The following TAMM41 variants were observed in gnomAD, a reference collection of about 807,000 sequenced individuals.
TAMM41 encodes the protein TAM41 mitochondrial translocator assembly and maintenance homolog, also known as phosphatidate cytidylyltransferase, mitochondrial.
Under a neutral mutation model 44.1 loss-of-function variants are expected in TAMM41, and 36 were observed. The ratio of observed to expected loss-of-function variants is 0.82; its 90% CI spans 0.63 to 1.08. The LOEUF is 1.08. Among genes scored for constraint, TAMM41 ranks in the 50% least tolerant of loss-of-function variants. The probability of loss-of-function intolerance (pLI) is 0.00; values close to 1 mark genes in which losing one functional copy is unlikely to be tolerated. For synonymous variants in TAMM41, 164 were observed against 153.1 expected (o/e 1.07, Z -0.53); for missense variants, 417 against 404.3 (o/e 1.03, Z -0.27).
chr3:11,767,990 C>G, the TAMM41 span, among the ~76,000 whole-genome samples: 1 of 151,104 alleles, frequency 6.6e-6, no homozygotes, highest in East Asian at 2.0e-4. Context: ...CACAGTAAGA[C>G]ACCACTTCAC....
At chr3:11,768,981 AGGCACGG>A in the TAMM41 span, among the ~76,000 whole-genome samples, 1 of 152,242 alleles carries the variant, frequency 6.6e-6, no homozygotes, top group Non-Finnish European at 1.5e-5. Context: ...TCTAGCCATC[AGGCACGG>A]CCTGGTCAAG....
At chr3:11,824,834 A>G (rs935542976) in intron 4 of TAMM41, among the ~76,000 whole-genome samples, 1 of 152,190 alleles carries the variant, frequency 6.6e-6, no homozygotes, top group Non-Finnish European at 1.5e-5. Flanking sequence ...AACCAACAAT[A>G]AGATACAGTG....
At position 11,846,831 on chromosome 3, in the gene TAMM41, A is replaced by G. The variant is rs570089285; in HGVS notation, c.-195T>C. On this transcript the variant is annotated 5_prime_UTR_variant, in exon 1 of 8. Transcript: ENST00000455809. ...TGGGCCACGAAGAGCAGCGGCGAGA[A>G]GACGCAGCCCAGATAGGCTCGGGTG... is the stretch of plus-strand genomic sequence containing the variant. The G allele has an allele frequency of 2.7e-5, 18 of 677,902 alleles. No homozygotes were observed. In the African/African-American group the frequency reaches 3.2e-4, roughly 12 times the overall value. 42.0% of individuals were successfully genotyped at this position (677,902 alleles called of 1,614,324 possible). A position where few individuals can be genotyped will look rare whatever the true frequency, so the allele number is the denominator to read the frequency against.
At chr3:11,823,029 C>T (rs536374002) in intron 4 of TAMM41, among the ~76,000 whole-genome samples, 1 of 152,296 alleles carries the variant, frequency 6.6e-6, no homozygotes, top group South Asian at 2.1e-4. Context: ...TCCACATTCT[C>T]AACACTTGTT....
At chr3:11,784,962 C>G in the TAMM41 span, among the ~76,000 whole-genome samples, 1 of 152,066 alleles carries the variant, frequency 6.6e-6, no homozygotes, top group Non-Finnish European at 1.5e-5. Flanking sequence ...GCCACCACCC[C>G]TGGCTAATTT....
downstream of TAMM41, among the ~76,000 whole-genome samples, chr3:11,786,103 G>T (rs2077415119): frequency 6.6e-6 from 1 of 152,102 alleles, no homozygotes; most frequent in Non-Finnish European, 1.5e-5. Flanking sequence ...CTGGTGCCCA[G>T]GCTGGTGTGG....
At chr3:11,841,253 T>C (rs1639280141) in intron 2 of TAMM41, among the ~76,000 whole-genome samples, 1 of 151,998 alleles carries the variant, frequency 6.6e-6, no homozygotes, top group African/African-American at 2.4e-5. Context: ...TGACTAATTT[T>C]TGTATTTTTT....
chr3:11,760,590 T>C, the TAMM41 span, among the ~76,000 whole-genome samples: 1 of 149,322 alleles, frequency 6.7e-6, no homozygotes, highest in Non-Finnish European at 1.5e-5. Flanking sequence ...AGATAGGGTC[T>C]TGCTCTGTTG....
the TAMM41 span, among the ~76,000 whole-genome samples, chr3:11,734,449 C>A: frequency 6.6e-6 from 1 of 152,178 alleles, no homozygotes. Context: ...TTCCCCTTCA[C>A]CCAGTGGCTT....
At chr3:11,747,881 A>ATTTTT in the TAMM41 span, among the ~76,000 whole-genome samples, 115 of 133,450 alleles carry the variant, frequency 8.6e-4, no homozygotes, top group East Asian at 9.4e-3. Context: ...TTATTTATTT[A>ATTTTT]TTTTTTTTTT....
At chr3:11,728,737 G>A in the TAMM41 span, among the ~76,000 whole-genome samples, 14 of 152,272 alleles carry the variant, frequency 9.2e-5, no homozygotes, top group African/African-American at 2.9e-4. Context: ...GGCCAGGCAC[G>A]GTAACTCACG....
chr3:11,771,093 C>T, the TAMM41 span: 1 of 152,502 alleles, frequency 6.6e-6, no homozygotes, highest in Non-Finnish European at 1.5e-5. Flanking sequence ...ATGTCAGCAT[C>T]TCAAGCTGCG....
At chr3:11,748,135 A>C in the TAMM41 span, among the ~76,000 whole-genome samples, 1 of 136,398 alleles carries the variant, frequency 7.3e-6, no homozygotes, top group East Asian at 2.7e-4. Flanking sequence ...TTAGCCTCCC[A>C]AAGTGTTGGG....
At chr3:11,838,973 C>T (rs1234005744) in intron 3 of TAMM41, among the ~76,000 whole-genome samples, 2 of 152,152 alleles carry the variant, frequency 1.3e-5, no homozygotes, top group Non-Finnish European at 2.9e-5. Flanking sequence ...ATCCCTAACA[C>T]TCAGATATTC....
chr3:11,760,179 T>A, the TAMM41 span, among the ~76,000 whole-genome samples: 2 of 152,324 alleles, frequency 1.3e-5, no homozygotes, highest in East Asian at 3.9e-4. Flanking sequence ...TTCCCTGTAA[T>A]GCAAGCAATT....
chr3:11,815,725 C>CG (rs2078252182), intron 5 of TAMM41, among the ~76,000 whole-genome samples: 1 of 146,310 alleles, frequency 6.8e-6, no homozygotes, highest in East Asian at 2.6e-4. Context: ...TAGTGTAAGA[C>CG]GGTAAAAAAA....
the TAMM41 span, among the ~76,000 whole-genome samples, chr3:11,740,943 G>A: frequency 6.2e-3 from 913 of 146,936 alleles, 67 homozygotes; most frequent in African/African-American, 0.023. Context: ...GCTCCAGGCC[G>A]GGCGTGGTGG....
intron 4 of TAMM41, among the ~76,000 whole-genome samples, chr3:11,818,592 A>G (rs142613245): frequency 1.2e-4 from 18 of 152,286 alleles, no homozygotes; most frequent in African/African-American, 4.1e-4. Flanking sequence ...TGGGGACTGC[A>G]AGCTTAGAAA....
the TAMM41 span, among the ~76,000 whole-genome samples, chr3:11,748,631 A>G: frequency 6.6e-6 from 1 of 152,044 alleles, no homozygotes; most frequent in African/African-American, 2.4e-5. Context: ...TGCCCCCCTC[A>G]GCCTCCCAAA....
Sources: allele counts gnomAD v4.1 joint callset (sites outside exome capture counted in the v4.1 genomes callset), GRCh38; gene constraint gnomAD v4.1.1; transcripts MANE v1.5; gene names NCBI Gene and HGNC (gene_info 2026-07-23, HGNC 2026-07-21).